Variants in ITGBL1 observed in about 807,000 individuals in gnomAD.
The protein encoded by ITGBL1 is integrin subunit beta like 1, also known as integrin beta-like protein 1.
ITGBL1 carries 51 observed loss-of-function variants against 68.5 expected under a neutral mutation model. That is an observed-to-expected ratio of 0.74 (90% CI 0.59 to 0.94). The LOEUF (loss-of-function observed/expected upper bound fraction) is 0.94, where lower values mean the gene tolerates loss of function less well. Among genes scored for constraint, ITGBL1 ranks in the 40% least tolerant of loss-of-function variants. The probability of loss-of-function intolerance (pLI) is 0.00; values close to 1 mark genes in which losing one functional copy is unlikely to be tolerated. For missense variants in ITGBL1, 649 were observed against 647.4 expected, an observed-to-expected ratio of 1.00 and a Z score of -0.03; for synonymous variants, 209 against 227.3, an observed-to-expected ratio of 0.92 and a Z score of 0.72.
At chr13:101,558,697 G>A (rs1328009503) in intron 2 of ITGBL1, among the ~76,000 whole-genome samples, 1 of 152,118 alleles carries the variant, frequency 6.6e-6, no homozygotes, top group African/African-American at 2.4e-5. Flanking sequence ...AGATAATTCC[G>A]ATACCCTCTT....
chr13:101,687,107 A>G (rs2033772061), intron 7 of ITGBL1, among the ~76,000 whole-genome samples: 1 of 152,080 alleles, frequency 6.6e-6, no homozygotes, highest in Non-Finnish European at 1.5e-5. Flanking sequence ...TTTTGGTGAT[A>G]TAATCATTCC....
chr13:101,456,153 T>C (rs1229034900), intron 2 of ITGBL1, among the ~76,000 whole-genome samples: 2 of 152,210 alleles, frequency 1.3e-5, no homozygotes, highest in African/African-American at 2.4e-5. Context: ...CATGGTTTTG[T>C]TTGGTTATGC....
At chr13:101,691,149 G>C (rs1483611576) in intron 7 of ITGBL1, among the ~76,000 whole-genome samples, 1 of 152,120 alleles carries the variant, frequency 6.6e-6, no homozygotes, top group Non-Finnish European at 1.5e-5. Flanking sequence ...CTGACCAAGG[G>C]TGTCTGATGT....
intron 7 of ITGBL1, among the ~76,000 whole-genome samples, chr13:101,652,018 G>T (rs7990917): frequency 6.6e-6 from 1 of 152,032 alleles, no homozygotes; most frequent in South Asian, 2.1e-4. Context: ...CTATTCTGTT[G>T]CATTGGTCTA....
chr13:101,571,185 A>T, intron 3 of ITGBL1, among the ~76,000 whole-genome samples: 1 of 152,014 alleles, frequency 6.6e-6, no homozygotes, highest in East Asian at 1.9e-4. Context: ...AATACCACCA[A>T]CATATTTACT....
chr13:101,491,680 G>T (rs968680496), intron 2 of ITGBL1, among the ~76,000 whole-genome samples: 5 of 151,972 alleles, frequency 3.3e-5, no homozygotes, highest in Non-Finnish European at 7.4e-5. Context: ...GAATGTGCAG[G>T]TTTGTTACAT....
intron 2 of ITGBL1, among the ~76,000 whole-genome samples, chr13:101,465,710 C>G (rs983464896): frequency 1.3e-5 from 2 of 152,032 alleles, no homozygotes; most frequent in African/African-American, 4.8e-5. Flanking sequence ...TAACAGTCAC[C>G]CATTTATATT....
intron 2 of ITGBL1, among the ~76,000 whole-genome samples, chr13:101,503,369 G>A (rs1289381147): frequency 2.0e-5 from 3 of 152,156 alleles, no homozygotes; most frequent in Non-Finnish European, 4.4e-5. Flanking sequence ...AGGCATTGCT[G>A]AACCTGTGGA....
At position 101,543,703 on chromosome 13, in the gene ITGBL1, C is replaced by T. The variant is rs192116559; in HGVS notation, c.317-23996C>T. 4.0e-3 allele frequency among the ~76,000 whole-genome samples: 603 copies of T among 152,292 alleles called. 5 individuals carry two copies. Among genetic ancestry groups the T allele is most frequent in the African/African-American group, 0.014 (566 of 41,566 alleles). On this transcript the variant is annotated intron_variant, in intron 2 of 10. Coordinates refer to ENST00000376180, the MANE Select transcript of ITGBL1 (RefSeq NM_004791.3). Reference sequence around the variant, plus strand: ...GTCACTTTCAGGTACACCAATCAGACGCAGATTTGGGCTTTTCACATAGTC... The same window carrying T: ...GTCACTTTCAGGTACACCAATCAGATGCAGATTTGGGCTTTTCACATAGTC...
chr13:101,593,848 G>A (rs2050698610), intron 6 of ITGBL1, among the ~76,000 whole-genome samples: 1 of 151,904 alleles, frequency 6.6e-6, no homozygotes, highest in African/African-American at 2.4e-5. Context: ...TTATACAGTA[G>A]GTTGAGGACA....
intron 7 of ITGBL1, among the ~76,000 whole-genome samples, chr13:101,672,224 G>C (rs2033396329): frequency 6.6e-6 from 1 of 152,120 alleles, no homozygotes; most frequent in Non-Finnish European, 1.5e-5. Flanking sequence ...TTAGATGTTG[G>C]CCCTGTGCAT....
chr13:101,664,631 A>G, intron 7 of ITGBL1, among the ~76,000 whole-genome samples: 1 of 152,186 alleles, frequency 6.6e-6, no homozygotes, highest in East Asian at 1.9e-4. Context: ...ACATTAGCCC[A>G]CCATAAATCA....
intron 6 of ITGBL1, among the ~76,000 whole-genome samples, chr13:101,587,415 C>A (rs1384935733): frequency 6.6e-6 from 1 of 152,152 alleles, no homozygotes; most frequent in Non-Finnish European, 1.5e-5. Flanking sequence ...CCCTCAAAGA[C>A]AATACGGTTG....
chr13:101,499,441 T>G (rs2048906861), intron 2 of ITGBL1, among the ~76,000 whole-genome samples: 1 of 152,190 alleles, frequency 6.6e-6, no homozygotes, highest in Non-Finnish European at 1.5e-5. Context: ...TGCCTTACAG[T>G]AGAAGGCAGT....
chr13:101,687,364 CT>C (rs1321487968), intron 7 of ITGBL1, among the ~76,000 whole-genome samples: 1 of 151,892 alleles, frequency 6.6e-6, no homozygotes, highest in African/African-American at 2.4e-5. Context: ...AAAATAGACA[CT>C]TTATCTGAAT....
rs140521421 is a variant in ITGBL1, at chr13:101,631,985, G to A, written c.1015+33686G>A. Among the ~76,000 whole-genome samples the A allele has an allele frequency of 2.5e-3, 377 of 152,086 alleles. 2 individuals are homozygous for A. The highest frequency in any genetic ancestry group is 6.8e-3 in the Middle Eastern group (2 of 294). ...AGGAAACAATTTGTTTTGACCTTGG[G>A]TTGATGAAGATTTATATACGGTACA... On this transcript the variant is annotated intron_variant, in intron 7 of 10. Transcript: ENST00000376180.
At chr13:101,686,174 C>G (rs577612853) in intron 7 of ITGBL1, among the ~76,000 whole-genome samples, 34 of 152,114 alleles carry the variant, frequency 2.2e-4, no homozygotes, top group Non-Finnish European at 4.3e-4. Flanking sequence ...ATGTTTTGCC[C>G]GGTTCCTATG....
chr13:101,579,092 T>C lies in ITGBL1; in HGVS notation c.587-195T>C, dbSNP rs576007990. ...CCAAGTTAAAGGACACTTTGCTCTT[T>C]TTGTATGATTAAGCAGGTATAGGCA... On this transcript the variant is annotated intron_variant, in intron 4 of 10. Coordinates refer to ENST00000376180, the MANE Select transcript of ITGBL1 (RefSeq NM_004791.3). 4.6e-5 allele frequency among the ~76,000 whole-genome samples: 7 copies of C among 152,312 alleles called. No homozygotes were observed. In the East Asian group the frequency reaches 1.4e-3, roughly 29 times the overall value.
At chr13:101,668,831 T>C (rs961620451) in intron 7 of ITGBL1, among the ~76,000 whole-genome samples, 1 of 152,160 alleles carries the variant, frequency 6.6e-6, no homozygotes, top group African/African-American at 2.4e-5. Context: ...AGGTTCATGT[T>C]TATTTAATTT....
Sources: gnomAD v4.1 joint callset for allele counts (sites outside exome capture counted in the v4.1 genomes callset) on GRCh38, gnomAD v4.1.1 for gene constraint, MANE v1.5 for transcripts, NCBI Gene and HGNC (gene_info 2026-07-23, HGNC 2026-07-21) for gene names.